The following DIAPH2 variants were observed in gnomAD, a reference collection of about 807,000 sequenced individuals.
DIAPH2 encodes diaphanous related formin 2.
In DIAPH2, 35 loss-of-function variants were observed where a neutral mutation model predicts 92.7. The observed-to-expected ratio is 0.38, with a 90% CI of 0.29 to 0.50. DIAPH2 has a LOEUF of 0.50. Among genes scored for constraint, DIAPH2 ranks in the 20% least tolerant of loss-of-function variants. The pLI is 0.94. For synonymous variants in DIAPH2, 301 were observed against 280.4 expected (o/e 1.07, Z -0.73); for missense variants, 701 against 819.5 (o/e 0.86, Z 1.77).
chrX:97,021,837 AGC>A (rs1330676839), intron 17 of DIAPH2, among the ~76,000 whole-genome samples: 2 of 111,602 alleles, frequency 1.8e-5, no homozygotes, highest in Non-Finnish European at 3.8e-5. Context: ...ACAGTGACTA[AGC>A]ACTTCCTTTG....
At position 97,151,900 on chromosome X, in the gene DIAPH2, G is replaced by A. The variant is rs771540788; in HGVS notation, c.2719+10106G>A. On this transcript the variant is annotated intron_variant, in intron 22 of 26. Transcript: ENST00000324765. Reference sequence around the variant, plus strand: ...GAGGTTGAAGTACTGATACTGAGTAGTATTGTCAAGGGGGGAGATGTGAGA... The same window carrying A: ...GAGGTTGAAGTACTGATACTGAGTAATATTGTCAAGGGGGGAGATGTGAGA... 5.1e-4 allele frequency among the ~76,000 whole-genome samples: 57 copies of A among 111,438 alleles called. 1 individual carries two copies. The highest frequency in any genetic ancestry group is 1.7e-3 in the African/African-American group (51 of 30,676).
chrX:96,869,729 G>A (rs907861864), intron 4 of DIAPH2, among the ~76,000 whole-genome samples: 2 of 110,432 alleles, frequency 1.8e-5, no homozygotes. Flanking sequence ...AATTGTTAAC[G>A]AAAGTACTCA....
At chrX:97,586,072 G>A (rs1450917085) in intron 26 of DIAPH2, among the ~76,000 whole-genome samples, 6 of 110,950 alleles carry the variant, frequency 5.4e-5, no homozygotes, top group African/African-American at 1.3e-4. Flanking sequence ...CTCACTTTAC[G>A]TACATTCCTG....
chrX:97,414,926 A>G (rs1174295186), intron 25 of DIAPH2, among the ~76,000 whole-genome samples: 1 of 111,800 alleles, frequency 8.9e-6, no homozygotes, highest in Non-Finnish European at 1.9e-5. Flanking sequence ...GGCAAGCTAC[A>G]GAATGGGAGA....
chrX:96,716,318 G>A (rs2063950109), intron 1 of DIAPH2, among the ~76,000 whole-genome samples: 1 of 111,535 alleles, frequency 9.0e-6, no homozygotes, highest in Non-Finnish European at 1.9e-5. Context: ...GCCTGCAATA[G>A]TAATCAGAGT....
At chrX:96,788,853 C>T (rs942786252) in intron 4 of DIAPH2, among the ~76,000 whole-genome samples, 1 of 111,931 alleles carries the variant, frequency 8.9e-6, no homozygotes, top group Admixed American at 9.5e-5. Context: ...GCCAGCACAC[C>T]CTCCCAACTC....
intron 5 of DIAPH2, among the ~76,000 whole-genome samples, chrX:96,892,694 C>T (rs1052241238): frequency 9.0e-6 from 1 of 111,698 alleles, no homozygotes; most frequent in African/African-American, 3.2e-5. Flanking sequence ...ACAGCAAATA[C>T]TCGAGTTTTT....
intron 26 of DIAPH2, among the ~76,000 whole-genome samples, chrX:97,434,329 C>T (rs897670222): frequency 1.8e-5 from 2 of 109,674 alleles, no homozygotes; most frequent in African/African-American, 3.3e-5. Flanking sequence ...GATAATTTAG[C>T]GTGAGAGGAG....
intron 1 of DIAPH2, among the ~76,000 whole-genome samples, chrX:96,732,200 TC>T (rs2064059857): frequency 8.9e-6 from 1 of 111,826 alleles, no homozygotes; most frequent in Admixed American, 9.5e-5. Context: ...CTGTTGTTAT[TC>T]TCAAGTCCTT....
chrX:96,930,946 G>A, intron 10 of DIAPH2, 103 bp downstream of exon 10: 1 of 892,209 alleles, frequency 1.1e-6, no homozygotes, highest in Non-Finnish European at 1.5e-6. Flanking sequence ...TTGCTATTTT[G>A]TTTTGTAAAG....
intron 4 of DIAPH2, among the ~76,000 whole-genome samples, chrX:96,827,608 G>A (rs937462486): frequency 1.8e-5 from 2 of 111,524 alleles, no homozygotes; most frequent in Non-Finnish European, 3.8e-5. Flanking sequence ...TTTGGTCTTA[G>A]GGGCCATTTA....
intron 23 of DIAPH2, among the ~76,000 whole-genome samples, chrX:97,323,735 C>G (rs2147658172): frequency 9.3e-6 from 1 of 107,128 alleles, no homozygotes; most frequent in South Asian, 4.3e-4. Flanking sequence ...GAAACCCCAT[C>G]TCTACTAAAA....
chrX:97,322,411 G>A (rs2068906243), intron 23 of DIAPH2, among the ~76,000 whole-genome samples: 1 of 111,787 alleles, frequency 8.9e-6, no homozygotes, highest in African/African-American at 3.2e-5. Context: ...ATATAGAAGG[G>A]GCAATGCCAA....
chrX:97,200,984 C>CA (rs1264843712), intron 22 of DIAPH2, among the ~76,000 whole-genome samples: 1 of 111,362 alleles, frequency 9.0e-6, no homozygotes, highest in Non-Finnish European at 1.9e-5. Context: ...GAGCAGATAA[C>CA]AGTCTTTGCT....
At chrX:96,820,901 G>C (rs960393079) in intron 4 of DIAPH2, among the ~76,000 whole-genome samples, 1 of 112,198 alleles carries the variant, frequency 8.9e-6, no homozygotes, top group Non-Finnish European at 1.9e-5. Flanking sequence ...TCCTGATGTA[G>C]TGATTTGTAA....
intron 26 of DIAPH2, among the ~76,000 whole-genome samples, chrX:97,555,239 GAAAGA>G: frequency 8.9e-6 from 1 of 112,120 alleles, no homozygotes; most frequent in East Asian, 2.8e-4. Context: ...CTGGAAGAAA[GAAAGA>G]ATATGGGTCT....
At chrX:97,318,934 T>C (rs2068866407) in intron 23 of DIAPH2, among the ~76,000 whole-genome samples, 1 of 111,965 alleles carries the variant, frequency 8.9e-6, no homozygotes, top group African/African-American at 3.2e-5. Context: ...AATGACGTTT[T>C]CTTATAAGGA....
At position 96,918,501 on chromosome X, in the gene DIAPH2, C is replaced by G. The variant is rs375362916; in HGVS notation, c.870-8C>G. ...TTCTCATTTCTGTTTCTTCTTTTTT[C>G]TCTACAGTCTAGATAAACTTTTAGG... On this transcript the variant is annotated splice_region_variant and splice_polypyrimidine_tract_variant and intron_variant, in intron 8 of 26. Coordinates refer to ENST00000324765, the MANE Select transcript of DIAPH2 (RefSeq NM_006729.5). 40 of 1,126,965 alleles carry G rather than the reference C, an allele frequency of 3.5e-5. No individual in the cohort carries two copies. The highest frequency in any genetic ancestry group is 1.0e-4 in the Admixed American group (4 of 38,902). The allele number at this position is 1,126,965 out of a possible 1,213,427, so 92.9% of individuals were successfully genotyped here.
chrX:97,413,809 A>G (rs1212323833), intron 25 of DIAPH2, among the ~76,000 whole-genome samples: 1 of 111,801 alleles, frequency 8.9e-6, no homozygotes, highest in Admixed American at 9.5e-5. Flanking sequence ...AATTGCTACA[A>G]AGACAATAAA....
Sources: gnomAD v4.1 joint callset for allele counts (sites outside exome capture counted in the v4.1 genomes callset) on GRCh38, gnomAD v4.1.1 for gene constraint, MANE v1.5 for transcripts, NCBI Gene and HGNC (gene_info 2026-07-23, HGNC 2026-07-21) for gene names.